SGCZ: variants seen among roughly 807,000 people sequenced by gnomAD.
The protein encoded by SGCZ is zeta-sarcoglycan.
SGCZ carries 40 observed loss-of-function variants against 41.3 expected under a neutral mutation model. That is an observed-to-expected ratio of 0.97 (90% confidence interval 0.75 to 1.26). The LOEUF is 1.26. Among genes scored for constraint, SGCZ ranks in the 50% most tolerant of loss-of-function variants. The pLI is 0.00. For synonymous variants in SGCZ, 206 were observed against 137.5 expected (o/e 1.50, Z -3.49); for missense variants, 552 against 369.8 (o/e 1.49, Z -4.04).
intron 1 of SGCZ, among the ~76,000 whole-genome samples, chr8:14,845,150 G>T (rs1335896916): frequency 6.6e-6 from 1 of 152,106 alleles, no homozygotes; most frequent in Non-Finnish European, 1.5e-5. Flanking sequence ...ATGAGATGAT[G>T]GTGCCCAGCA....
intron 2 of SGCZ, among the ~76,000 whole-genome samples, chr8:14,430,009 C>T (rs1799897294): frequency 6.6e-6 from 1 of 151,846 alleles, no homozygotes; most frequent in African/African-American, 2.4e-5. Context: ...TAATATCTCC[C>T]ATTTCATTTC....
chr8:14,645,873 A>G (rs1007316382), intron 1 of SGCZ, among the ~76,000 whole-genome samples: 27 of 151,820 alleles, frequency 1.8e-4, no homozygotes, highest in African/African-American at 6.3e-4. Context: ...ACTCAATTAA[A>G]CTAAATTGAA....
At chr8:14,640,820 A>T (rs909988908) in intron 1 of SGCZ, among the ~76,000 whole-genome samples, 1 of 151,680 alleles carries the variant, frequency 6.6e-6, no homozygotes, top group Non-Finnish European at 1.5e-5. Context: ...CTTTTCTGAT[A>T]GCTGGAGCCC....
chr8:14,656,361 C>T (rs11984711), intron 1 of SGCZ, among the ~76,000 whole-genome samples: 123,226 of 149,596 alleles, frequency 0.82, 51,566 homozygotes, highest in Non-Finnish European at 0.92. Flanking sequence ...CTTCCTTCTT[C>T]CTTTTCTTTT....
chr8:15,210,310 T>C (rs1264035949), intron 1 of SGCZ, among the ~76,000 whole-genome samples: 1 of 152,198 alleles, frequency 6.6e-6, no homozygotes, highest in Non-Finnish European at 1.5e-5. Flanking sequence ...CTGTAGCTGA[T>C]ACTGTCTTTA....
chr8:15,038,615 A>T (rs1803954312), intron 1 of SGCZ, among the ~76,000 whole-genome samples: 1 of 152,166 alleles, frequency 6.6e-6, no homozygotes. Flanking sequence ...ATGGAATTGC[A>T]TCAAATTACA....
chr8:15,052,719 A>T (rs1563470034), intron 1 of SGCZ, among the ~76,000 whole-genome samples: 1 of 152,164 alleles, frequency 6.6e-6, no homozygotes. Flanking sequence ...AATGCTAAAC[A>T]CCTAATAAAT....
intron 1 of SGCZ, among the ~76,000 whole-genome samples, chr8:14,680,675 A>G (rs1375136899): frequency 6.6e-6 from 1 of 151,648 alleles, no homozygotes; most frequent in Non-Finnish European, 1.5e-5. Flanking sequence ...GATTGTACGG[A>G]GCAAGAAATC....
At position 14,181,981 on chromosome 8, in the gene SGCZ, G is replaced by C. The variant is rs558978996; in HGVS notation, c.425-17279C>G. On this transcript the variant is annotated intron_variant, in intron 4 of 7. Coordinates refer to ENST00000382080, the MANE Select transcript of SGCZ (RefSeq NM_139167.4). ...GTTTCTCTGACTCATTCTCAAATTG[G>C]TTACATACCTAACCTCAAATTGGAG... Among the ~76,000 whole-genome samples the C allele has an allele frequency of 3.4e-4, 51 of 152,142 alleles. No homozygotes were observed. In the South Asian group the frequency reaches 5.6e-3, roughly 17 times the overall value.
chr8:15,085,116 C>T (rs957795620), intron 1 of SGCZ, among the ~76,000 whole-genome samples: 12 of 152,208 alleles, frequency 7.9e-5, no homozygotes, highest in African/African-American at 2.9e-4. Context: ...GAAAATGAGG[C>T]CTCAGAGAGT....
intron 1 of SGCZ, among the ~76,000 whole-genome samples, chr8:15,226,183 C>T (rs1300311572): frequency 6.6e-6 from 1 of 152,186 alleles, no homozygotes; most frequent in Admixed American, 6.5e-5. Flanking sequence ...TCGGACCTAC[C>T]TACCTACCTC....
intron 1 of SGCZ, among the ~76,000 whole-genome samples, chr8:15,176,005 AC>A (rs1799990465): frequency 6.6e-6 from 1 of 152,220 alleles, no homozygotes. Flanking sequence ...GTTTATACTT[AC>A]TGTATTATAC....
At chr8:15,204,566 G>C (rs912391730) in intron 1 of SGCZ, among the ~76,000 whole-genome samples, 1 of 152,098 alleles carries the variant, frequency 6.6e-6, no homozygotes, top group Non-Finnish European at 1.5e-5. Flanking sequence ...TAGCTTTCTT[G>C]TGAAGTCTTT....
intron 1 of SGCZ, among the ~76,000 whole-genome samples, chr8:14,860,871 G>A (rs1803724609): frequency 6.6e-6 from 1 of 152,208 alleles, no homozygotes; most frequent in African/African-American, 2.4e-5. Flanking sequence ...ACACTCCAAT[G>A]TTTCCATTTT....
At chr8:14,482,031 G>T (rs983941977) in intron 2 of SGCZ, among the ~76,000 whole-genome samples, 1 of 152,128 alleles carries the variant, frequency 6.6e-6, no homozygotes, top group Non-Finnish European at 1.5e-5. Context: ...CTGAGTTAAA[G>T]GGACAGAAAT....
At chr8:15,065,503 GGCAGGATCTCGGCT>G (rs1178192963) in intron 1 of SGCZ, among the ~76,000 whole-genome samples, 1 of 151,156 alleles carries the variant, frequency 6.6e-6, no homozygotes, top group East Asian at 2.0e-4. Context: ...GGAGTGCAGT[GGCAGGATCTCGGCT>G]CACTGCAATC....
At position 14,340,230 on chromosome 8, in the gene SGCZ, C is replaced by T. The variant is rs112358641; in HGVS notation, c.235-16026G>A. Among the ~76,000 whole-genome samples, 8 of 152,098 alleles carry T rather than the reference C, an allele frequency of 5.3e-5. 1 individual carries two copies. The highest frequency in any genetic ancestry group is 1.9e-4 in the African/African-American group (8 of 41,516). ...AATGTATCCAGTTAAGATTTCTTCCCATGTTGCTAACACTCTTATACTTTC... is the reference window on the plus strand; with the variant it reads ...AATGTATCCAGTTAAGATTTCTTCCTATGTTGCTAACACTCTTATACTTTC... On this transcript the variant is annotated intron_variant, in intron 2 of 7. Coordinates refer to ENST00000382080, the MANE Select transcript of SGCZ (RefSeq NM_139167.4).
chr8:14,845,188 A>G lies in SGCZ; in HGVS notation c.40-290262T>C, dbSNP rs915475653. Among the ~76,000 whole-genome samples, 5 of 152,320 alleles carry G rather than the reference A, an allele frequency of 3.3e-5. No individual in the cohort carries two copies. In the East Asian group the frequency reaches 5.8e-4, roughly 18 times the overall value. On this transcript the variant is annotated intron_variant, in intron 1 of 7. Transcript: ENST00000382080. ...CACACTGGGCTAAGAAATGGTGCCT[A>G]TTCTTACCAGCTAGGATGGAAAAAC...
At chr8:14,629,256 A>G (rs1806565586) in intron 1 of SGCZ, among the ~76,000 whole-genome samples, 1 of 151,642 alleles carries the variant, frequency 6.6e-6, no homozygotes, top group African/African-American at 2.4e-5. Flanking sequence ...ACTTCGTGTG[A>G]TTTGCATATC....
Sources: allele counts gnomAD v4.1 joint callset (sites outside exome capture counted in the v4.1 genomes callset), GRCh38; gene constraint gnomAD v4.1.1; transcripts MANE v1.5; gene names NCBI Gene and HGNC (gene_info 2026-07-23, HGNC 2026-07-21).